The following GSK3B variants were observed in gnomAD, a reference collection of about 807,000 sequenced individuals.
GSK3B encodes the protein glycogen synthase kinase 3 beta.
A neutral mutation model predicts 56.4 loss-of-function variants in GSK3B; 15 were observed. The observed-to-expected ratio is 0.27, with a 90% CI of 0.18 to 0.41. The LOEUF is 0.41. Among genes scored for constraint, GSK3B ranks in the 10% least tolerant of loss-of-function variants. The probability of loss-of-function intolerance (pLI) is 1.00; values close to 1 mark genes in which losing one functional copy is unlikely to be tolerated. For missense variants in GSK3B, 300 were observed against 513.4 expected (o/e 0.58, Z 4.02); for synonymous variants, 181 against 188.9 (o/e 0.96, Z 0.34).
At position 119,887,489 on chromosome 3, in the gene GSK3B, A is replaced by C. The variant is rs1487187147; in HGVS notation, c.814-10981T>G. ...CCAAATGGAAATTGTACAGTTAAAAAATACAGTATGTGAAATTAAAACTTC... is the reference window on the plus strand; with the variant it reads ...CCAAATGGAAATTGTACAGTTAAAACATACAGTATGTGAAATTAAAACTTC... On this transcript the variant is annotated intron_variant, in intron 7 of 10. Transcript: ENST00000264235. Among the ~76,000 whole-genome samples the C allele has an allele frequency of 2.0e-5, 3 of 152,172 alleles. No homozygotes were observed. The East Asian group carries it at 5.8e-4, about 29-fold the overall frequency.
At chr3:119,874,631 T>G (rs2056288495) in intron 8 of GSK3B, among the ~76,000 whole-genome samples, 1 of 151,866 alleles carries the variant, frequency 6.6e-6, no homozygotes, top group Non-Finnish European at 1.5e-5. Flanking sequence ...ATAAGGAGGA[T>G]AATATGTGAT....
intron 1 of GSK3B, among the ~76,000 whole-genome samples, chr3:120,043,836 C>T (rs559124490): frequency 3.3e-5 from 5 of 152,320 alleles, no homozygotes; most frequent in Admixed American, 2.0e-4. Context: ...CTTTAAAATG[C>T]GTTTTATTAA....
At chr3:119,908,856 G>C (rs2056708313) in intron 6 of GSK3B, among the ~76,000 whole-genome samples, 1 of 152,234 alleles carries the variant, frequency 6.6e-6, no homozygotes, top group Admixed American at 6.5e-5. Flanking sequence ...GGGTAAAACT[G>C]CTGGCCTCTT....
At chr3:120,008,524 G>A in intron 1 of GSK3B, among the ~76,000 whole-genome samples, 1 of 152,004 alleles carries the variant, frequency 6.6e-6, no homozygotes, top group East Asian at 1.9e-4. Context: ...TAGACCAAAG[G>A]GATAGAACAG....
Position 119,825,493 on chromosome 3 carries a change from T to C in GSK3B, c.*1295A>G, listed in dbSNP as rs112822116. 4 of 227,852 alleles carry C rather than the reference T, an allele frequency of 1.8e-5. No homozygotes were observed. The highest frequency in any genetic ancestry group is 8.9e-5 in the African/African-American group (4 of 45,188). 14.1% of individuals were successfully genotyped at this position (227,852 alleles called of 1,614,324 possible). A position where few individuals can be genotyped will look rare whatever the true frequency, so the allele number is the denominator to read the frequency against. ...ACTGTAGACAAAAAAAAAGGCAGTA[T>C]TGAATATATGTATATATAACATATA... On this transcript the variant is annotated 3_prime_UTR_variant, in exon 11 of 11. Coordinates refer to ENST00000264235, the MANE Select transcript of GSK3B (RefSeq NM_001146156.2).
intron 1 of GSK3B, among the ~76,000 whole-genome samples, chr3:120,007,315 G>A (rs544710959): frequency 1.1e-4 from 16 of 152,048 alleles, no homozygotes; most frequent in Non-Finnish European, 1.9e-4. Context: ...ATTCACAGCC[G>A]AATTCTACCA....
rs1313358019 is a variant in GSK3B, at chr3:119,863,636, A to C, written c.910-31T>G. The stretch of plus-strand genomic sequence containing the variant: ...GTACAAAAAAAGGGAAAGAACAATT[A>C]ATGTTTTATTTTAAGAATCTAAGCA... On this transcript the variant is annotated intron_variant, in intron 8 of 10. Transcript: ENST00000264235. 5 of 1,406,920 alleles carry C rather than the reference A, an allele frequency of 3.6e-6. No individual in the cohort carries two copies. In the South Asian group the frequency reaches 5.9e-5, roughly 17 times the overall value. The allele number at this position is 1,406,920 out of a possible 1,614,324, so 87.2% of individuals were successfully genotyped here. A position where few individuals can be genotyped will look rare whatever the true frequency, so the allele number is the denominator to read the frequency against.
intron 9 of GSK3B, among the ~76,000 whole-genome samples, chr3:119,859,887 C>T (rs912791601): frequency 1.3e-5 from 2 of 152,162 alleles, no homozygotes; most frequent in Admixed American, 6.5e-5. Context: ...TTCTTCTGGC[C>T]TAGCCAACAT....
At chr3:119,884,516 C>T (rs2056413499) in intron 7 of GSK3B, among the ~76,000 whole-genome samples, 1 of 152,080 alleles carries the variant, frequency 6.6e-6, no homozygotes, top group Admixed American at 6.6e-5. Context: ...TCCTCTTTTA[C>T]ATGTGAAAAA....
intron 10 of GSK3B, among the ~76,000 whole-genome samples, chr3:119,829,032 G>A (rs2055560688): frequency 6.6e-6 from 1 of 152,154 alleles, no homozygotes; most frequent in Non-Finnish European, 1.5e-5. Flanking sequence ...ACTCTCCAAA[G>A]CCAGGCTGAC....
chr3:119,936,332 TAAAAA>T (rs1052636709), intron 3 of GSK3B, among the ~76,000 whole-genome samples: 1 of 138,438 alleles, frequency 7.2e-6, no homozygotes, highest in Non-Finnish European at 1.5e-5. Context: ...TAAATATATA[TAAAAA>T]ATATATATAT....
intron 1 of GSK3B, among the ~76,000 whole-genome samples, chr3:120,078,284 A>G (rs2107572857): frequency 6.6e-6 from 1 of 152,296 alleles, no homozygotes; most frequent in East Asian, 1.9e-4. Flanking sequence ...TGTGAAATGC[A>G]TTTTAGAACA....
chr3:119,884,315 C>T (rs9849889), intron 7 of GSK3B, among the ~76,000 whole-genome samples: 9,387 of 152,072 alleles, frequency 0.062, 913 homozygotes, highest in African/African-American at 0.21. Context: ...GCTGAGGTCA[C>T]GGGAAGAGCA....
intron 1 of GSK3B, among the ~76,000 whole-genome samples, chr3:120,092,937 T>A (rs900652987): frequency 6.6e-6 from 1 of 152,204 alleles, no homozygotes; most frequent in Non-Finnish European, 1.5e-5. Flanking sequence ...ATTCTCTCAT[T>A]CCAAATTCCA....
At chr3:119,830,971 CCAA>C (rs749417817) in intron 10 of GSK3B, among the ~76,000 whole-genome samples, 8 of 152,092 alleles carry the variant, frequency 5.3e-5, no homozygotes, top group Non-Finnish European at 1.2e-4. Context: ...ACTGCAATAA[CCAA>C]CATCATCACC....
chr3:119,902,589 G>A (rs1173330893), intron 7 of GSK3B, among the ~76,000 whole-genome samples: 3 of 152,152 alleles, frequency 2.0e-5, no homozygotes, highest in African/African-American at 4.8e-5. Flanking sequence ...TAGAGACAGG[G>A]TTTCACCATG....
At chr3:119,979,971 A>G (rs1031352557) in intron 2 of GSK3B, among the ~76,000 whole-genome samples, 14 of 152,076 alleles carry the variant, frequency 9.2e-5, no homozygotes, top group African/African-American at 2.7e-4. Context: ...CAATAATCCA[A>G]TTGGGAAATT....
intron 3 of GSK3B, among the ~76,000 whole-genome samples, chr3:119,942,036 C>G (rs987984035): frequency 3.3e-5 from 5 of 152,154 alleles, no homozygotes; most frequent in Admixed American, 6.5e-5. Context: ...TACAATCCTC[C>G]CCTTCTGGAT....
intron 1 of GSK3B, among the ~76,000 whole-genome samples, chr3:120,044,129 T>C (rs1028258776): frequency 6.6e-6 from 1 of 152,226 alleles, no homozygotes; most frequent in Non-Finnish European, 1.5e-5. Context: ...TCTTCCAGGA[T>C]TCTACAGCTA....
Sources: allele counts gnomAD v4.1 joint callset (sites outside exome capture counted in the v4.1 genomes callset), GRCh38; gene constraint gnomAD v4.1.1; transcripts MANE v1.5; gene names NCBI Gene and HGNC (gene_info 2026-07-23, HGNC 2026-07-21).